Variants in FAM135A observed in about 807,000 individuals in gnomAD.
The protein encoded by FAM135A is family with sequence similarity 135 member A, also known as protein FAM135A.
Under a neutral mutation model 146.8 loss-of-function variants are expected in FAM135A, and 79 were observed. The observed-to-expected ratio is 0.54, with a 90% CI of 0.45 to 0.65. FAM135A has a LOEUF of 0.65. FAM135A is among the 30% of genes least tolerant of loss of function. The probability of loss-of-function intolerance (pLI) is 0.00; values close to 1 mark genes in which losing one functional copy is unlikely to be tolerated. For missense variants in FAM135A, 1,623 were observed against 1,758.2 expected (o/e 0.92, Z 1.38); for synonymous variants, 562 against 603.6 (o/e 0.93, Z 1.01).
chr6:70,493,507 C>G (rs1786520362), intron 11 of FAM135A, among the ~76,000 whole-genome samples: 1 of 152,060 alleles, frequency 6.6e-6, no homozygotes, highest in African/African-American at 2.4e-5. Flanking sequence ...ACATCAACAA[C>G]CTATAACATA....
intron 4 of FAM135A, among the ~76,000 whole-genome samples, chr6:70,438,207 A>G (rs940812775): frequency 6.6e-6 from 1 of 152,206 alleles, no homozygotes; most frequent in African/African-American, 2.4e-5. Flanking sequence ...GTTCAAAGGC[A>G]GATTTGCAGG....
intron 12 of FAM135A, among the ~76,000 whole-genome samples, chr6:70,505,143 T>C (rs1789472125): frequency 6.6e-6 from 1 of 152,096 alleles, no homozygotes; most frequent in Admixed American, 6.5e-5. Context: ...ATGATAATTA[T>C]AGACATAGTA....
At chr6:70,461,638 G>A (rs569649950) in intron 5 of FAM135A, among the ~76,000 whole-genome samples, 1 of 152,180 alleles carries the variant, frequency 6.6e-6, no homozygotes, top group African/African-American at 2.4e-5. Flanking sequence ...ATGACCAAGA[G>A]CAAGAAGGAA....
chr6:70,444,259 T>G (rs1284780734), intron 4 of FAM135A, among the ~76,000 whole-genome samples: 1 of 152,232 alleles, frequency 6.6e-6, no homozygotes, highest in South Asian at 2.1e-4. Flanking sequence ...AAAAATTAGC[T>G]GGGCTTTGTG....
intron 5 of FAM135A, among the ~76,000 whole-genome samples, chr6:70,465,418 A>T (rs907497177): frequency 1.3e-5 from 2 of 151,970 alleles, no homozygotes; most frequent in Admixed American, 6.6e-5. Context: ...TAGTAGTTCT[A>T]TTTTTATTAT....
intron 10 of FAM135A, among the ~76,000 whole-genome samples, chr6:70,489,575 C>A (rs1278630575): frequency 6.6e-6 from 1 of 152,094 alleles, no homozygotes; most frequent in Non-Finnish European, 1.5e-5. Context: ...TTTAAAGAGA[C>A]AGTAGTATAC....
intron 12 of FAM135A, among the ~76,000 whole-genome samples, chr6:70,509,240 C>A (rs1229547956): frequency 6.6e-6 from 1 of 151,972 alleles, no homozygotes; most frequent in Admixed American, 6.6e-5. Context: ...TTACAACCAG[C>A]CTGGGCAACA....
intron 2 of FAM135A, among the ~76,000 whole-genome samples, 192 bp from the exon 3 acceptor site, chr6:70,426,247 G>A (rs1770117028): frequency 6.6e-6 from 1 of 152,110 alleles, no homozygotes; most frequent in African/African-American, 2.4e-5. Flanking sequence ...CCTTAATAGA[G>A]ATATAATAGT....
At chr6:70,494,441 A>G (rs1202544058) in intron 11 of FAM135A, among the ~76,000 whole-genome samples, 1 of 150,904 alleles carries the variant, frequency 6.6e-6, no homozygotes, top group East Asian at 2.0e-4. Context: ...CTGTATTCAT[A>G]CCTTTGAATG....
intron 5 of FAM135A, among the ~76,000 whole-genome samples, chr6:70,460,711 G>A (rs573838321): frequency 2.0e-5 from 3 of 152,020 alleles, no homozygotes; most frequent in Non-Finnish European, 4.4e-5. Flanking sequence ...TATGAGATGG[G>A]AAACATGAAC....
chr6:70,558,845 A>G (rs1282310337), intron 21 of FAM135A, among the ~76,000 whole-genome samples: 1 of 152,088 alleles, frequency 6.6e-6, no homozygotes, highest in Non-Finnish European at 1.5e-5. Flanking sequence ...AAACAAAAAT[A>G]AGGAGAGAGG....
chr6:70,515,448 A>T (rs1791978252), intron 12 of FAM135A, among the ~76,000 whole-genome samples: 1 of 152,236 alleles, frequency 6.6e-6, no homozygotes, highest in Admixed American at 6.5e-5. Flanking sequence ...CAGTGAAGCC[A>T]TGAAAAGACA....
chr6:70,481,821 G>A (rs555407216), intron 9 of FAM135A, among the ~76,000 whole-genome samples, 180 bp from the exon 10 acceptor site: 1 of 152,064 alleles, frequency 6.6e-6, no homozygotes, highest in East Asian at 1.9e-4. Context: ...AATTACTAGG[G>A]CCACATTTCA....
At chr6:70,552,740 T>G (rs2128490959) in intron 20 of FAM135A, among the ~76,000 whole-genome samples, 1 of 152,008 alleles carries the variant, frequency 6.6e-6, no homozygotes, top group African/African-American at 2.4e-5. Context: ...AGTGCTAGGA[T>G]TACAGGCACG....
At chr6:70,544,772 T>C (rs1486601385) in intron 20 of FAM135A, among the ~76,000 whole-genome samples, 1 of 150,972 alleles carries the variant, frequency 6.6e-6, no homozygotes, top group African/African-American at 2.4e-5. Context: ...CCACTAGCGC[T>C]AGGCACAGTG....
chr6:70,477,150 T>G lies in FAM135A; in HGVS notation c.369-9T>G. On this transcript the variant is annotated splice_polypyrimidine_tract_variant and intron_variant, in intron 7 of 21. Transcript: ENST00000418814. The stretch of plus-strand genomic sequence containing the variant: ...TTCATACTTACATGCTAAGTGTTCC[T>G]TTTTACAGGGCAGATGATCTGAATG... The G allele has an allele frequency of 6.2e-7, 1 of 1,610,340 alleles. No individual in the cohort carries two copies. Among genetic ancestry groups the G allele is most frequent in the Non-Finnish European group, 8.5e-7 (1 of 1,178,170 alleles).
At chr6:70,455,465 A>G (rs1364113486) in intron 5 of FAM135A, among the ~76,000 whole-genome samples, 1 of 152,038 alleles carries the variant, frequency 6.6e-6, no homozygotes, top group African/African-American at 2.4e-5. Flanking sequence ...TTGTATATTC[A>G]TTCATCTTAA....
chr6:70,486,393 G>A, intron 10 of FAM135A: 1 of 625,382 alleles, frequency 1.6e-6, no homozygotes, highest in Non-Finnish European at 2.6e-6. Context: ...AAATCAATTT[G>A]GTTTGTAGAT....
intron 20 of FAM135A, among the ~76,000 whole-genome samples, chr6:70,550,373 T>G (rs537198787): frequency 6.6e-6 from 1 of 152,338 alleles, no homozygotes; most frequent in African/African-American, 2.4e-5. Context: ...TAATAAGACT[T>G]GAAAGTCAAA....
Sources: allele counts gnomAD v4.1 joint callset (sites outside exome capture counted in the v4.1 genomes callset), GRCh38; gene constraint gnomAD v4.1.1; transcripts MANE v1.5; gene names NCBI Gene and HGNC (gene_info 2026-07-23, HGNC 2026-07-21).